ZNF473: variants seen among roughly 807,000 people sequenced by gnomAD.
ZNF473 encodes zinc finger protein 100 homolog.
A neutral mutation model predicts 11.1 loss-of-function variants in ZNF473; 4 were observed. The observed-to-expected ratio is 0.36, with a 90% CI of 0.18 to 0.82. The LOEUF (loss-of-function observed/expected upper bound fraction) is 0.82, where lower values mean the gene tolerates loss of function less well. Ranked by LOEUF, ZNF473 falls within the 40% of genes least tolerant of loss-of-function variation. The probability of loss-of-function intolerance (pLI) is 0.49; values close to 1 mark genes in which losing one functional copy is unlikely to be tolerated. For missense variants in ZNF473, 854 were observed against 1,084.0 expected (o/e 0.79, Z 2.98); for synonymous variants, 404 against 390.4 (o/e 1.03, Z -0.41).
In ZNF473 at chr19:50,045,302, A is replaced by G; in HGVS notation, c.859A>G (p.Thr287Ala). The G allele has an allele frequency of 6.2e-7, 1 of 1,614,212 alleles. No homozygotes were observed. The change falls in exon 5 of 5, where the codon ACT becomes GCT. Residue 287 changes from threonine to alanine, a missense_variant. Physicochemically the swap from Thr to Ala is moderately conservative, Grantham distance 58. Around this residue, in one of 2 missense-constraint regions of ZNF473, gnomAD observed 668 missense variants for 790.2 expected, o/e 0.85. Coordinates refer to ENST00000270617, the MANE Select transcript of ZNF473 (RefSeq NM_015428.4). ...ATACCTGTGGCATCAGAAAACTCAC[A>G]CTGGAGAAAAACCATGTAAGAGTCA... ...STYLWHQKTH[T>A]GEKPCKSQDS... is the part of the protein sequence containing the mutation.
At chr19:50,031,234 G>T in intron 2 of ZNF473, 143 bp downstream of exon 2, 1 of 1,134,854 alleles carries the variant, frequency 8.8e-7, no homozygotes, top group Non-Finnish European at 1.3e-6. Flanking sequence ...CTTTGTTTTG[G>T]CCTCCCTGTC....
intron 1 of ZNF473, among the ~76,000 whole-genome samples, chr19:50,026,790 GAGAA>G (rs1353714194): frequency 5.3e-5 from 8 of 152,084 alleles, no homozygotes; most frequent in Admixed American, 5.2e-4. Context: ...GCAGTGAGCT[GAGAA>G]AGAAAAGAAA....
At chr19:50,041,995 A>G in intron 4 of ZNF473, 176 bp downstream of exon 4, 2 of 505,646 alleles carry the variant, frequency 4.0e-6, no homozygotes, top group South Asian at 2.5e-5. Flanking sequence ...GGATCAGGAC[A>G]TTTTTATAGA....
intron 2 of ZNF473, among the ~76,000 whole-genome samples, chr19:50,035,536 A>G (rs560095596): frequency 6.6e-6 from 1 of 150,668 alleles, no homozygotes; most frequent in African/African-American, 2.4e-5. Flanking sequence ...TTGTAATTCA[A>G]TGTAACACAC....
At chr19:50,029,168 G>A (rs2122796940) in intron 1 of ZNF473, among the ~76,000 whole-genome samples, 1 of 152,300 alleles carries the variant, frequency 6.6e-6, no homozygotes, top group Admixed American at 6.5e-5. Flanking sequence ...TTTTGAGACG[G>A]AGTCTCGCTC....
Position 50,046,279 on chromosome 19 carries a change from C to G in ZNF473, c.1836C>G (p.Ile612Met). 2 of 1,614,042 alleles carry G rather than the reference C, an allele frequency of 1.2e-6. No individual in the cohort carries two copies. The highest frequency in any genetic ancestry group is 1.7e-6 in the Non-Finnish European group (2 of 1,180,000). Residue 612 changes from isoleucine (I) to methionine (M), a missense_variant, in exon 5 of 5, where the codon ATC becomes ATG. By Grantham distance (10) the Ile-to-Met change is conservative (BLOSUM62 1). Coordinates refer to ENST00000270617, the MANE Select transcript of ZNF473 (RefSeq NM_015428.4). The surrounding 1 kb of genome is among the most constrained non-coding windows in gnomAD (Gnocchi z 5.9). The stretch of plus-strand genomic sequence containing the variant: ...CTCGGCTCATTCACCATCAAAGAAT[C>G]CACTCTAGAGTGAGGCTGTATAAAT... Reference protein sequence around the residue: ...QSTRLIHHQRIHSRVRLYKWG... With the variant: ...QSTRLIHHQRMHSRVRLYKWG...
intron 2 of ZNF473, among the ~76,000 whole-genome samples, chr19:50,033,415 T>C (rs574909948): frequency 2.0e-5 from 3 of 151,916 alleles, no homozygotes; most frequent in Non-Finnish European, 4.4e-5. Context: ...CTGGAGATCA[T>C]TGTATGGTCT....
At chr19:50,044,552 G>A (rs541723304) in intron 4 of ZNF473, 118 bp from the exon 5 acceptor site, 19 of 785,876 alleles carry the variant, frequency 2.4e-5, no homozygotes, top group Non-Finnish European at 3.5e-5. Context: ...AGTTCCACAT[G>A]GGTCACCCCT....
In ZNF473 at chr19:50,044,713, CGAA is replaced by C. The variant is rs1555735457; in HGVS notation, c.275_277del (p.Glu92del). ...ACTCTCCTCTGATGGAGGATTTCTT[CGAA>C]GAAGGATTCTCCCAGGAGATTATAG... On this transcript the variant is annotated inframe_deletion, in exon 5 of 5. Coordinates refer to ENST00000270617, the MANE Select transcript of ZNF473 (RefSeq NM_015428.4). 9 of 1,612,988 alleles carry C rather than the reference CGAA, an allele frequency of 5.6e-6. No homozygotes were observed. The highest frequency in any genetic ancestry group is 1.3e-5 in the African/African-American group (1 of 74,826).
At position 50,047,144 on chromosome 19, in the gene ZNF473, C is replaced by G. The variant is rs1171164286; in HGVS notation, c.*85C>G. The G allele has an allele frequency of 8.9e-7, 1 of 1,119,580 alleles. No individual in the cohort carries two copies. The highest frequency in any genetic ancestry group is 2.4e-5 in the East Asian group (1 of 40,914). 69.4% of individuals were successfully genotyped at this position (1,119,580 alleles called of 1,614,324 possible). A position where few individuals can be genotyped will look rare whatever the true frequency, so the allele number is the denominator to read the frequency against. On this transcript the variant is annotated 3_prime_UTR_variant, in exon 5 of 5. Transcript: ENST00000270617. ...AAACTATCCCATTGCAAGTTTCTCT[C>G]CAAATAAATGCATCTAAAGATTGAT... is the stretch of plus-strand genomic sequence containing the variant.
intron 1 of ZNF473, among the ~76,000 whole-genome samples, chr19:50,028,223 G>A (rs1381318985): frequency 6.6e-6 from 1 of 151,790 alleles, no homozygotes; most frequent in African/African-American, 2.4e-5. Context: ...GCATGAGCCC[G>A]GGAGGCAGAG....
At chr19:50,041,224 A>G in intron 3 of ZNF473, 1 of 152,604 alleles carries the variant, frequency 6.6e-6, no homozygotes, top group Non-Finnish European at 1.5e-5. Flanking sequence ...CTTCAAAGAC[A>G]GCAGTGGCGT....
chr19:50,031,119 CG>C (rs2077315566), intron 2 of ZNF473, 28 bp downstream of exon 2: 1 of 1,562,118 alleles, frequency 6.4e-7, no homozygotes, highest in Non-Finnish European at 8.7e-7. Context: ...CTGTCCTAAT[CG>C]GTCACACCCA....
In ZNF473 at chr19:50,035,046, CT is replaced by C. The variant is rs531829789; in HGVS notation, c.9+3958del. On this transcript the variant is annotated intron_variant, in intron 2 of 4. Transcript: ENST00000270617. ...GTGGCTCATGCCTGTAATCCCAGAA[CT>C]TTGGAAGGCTGAGGTGGGCAAATTG... 1.2e-3 allele frequency among the ~76,000 whole-genome samples: 188 copies of C among 152,282 alleles called. 1 individual carries two copies. Among genetic ancestry groups the C allele is most frequent in the Middle Eastern group, 6.8e-3 (2 of 294 alleles).
intron 1 of ZNF473, among the ~76,000 whole-genome samples, chr19:50,026,339 C>A (rs1600744500): frequency 6.7e-6 from 1 of 149,972 alleles, no homozygotes; most frequent in African/African-American, 2.5e-5. Context: ...GAAGCCTTGG[C>A]GGGGGGGATC....
chr19:50,046,073 T>C lies in ZNF473; in HGVS notation c.1630T>C (p.Phe544Leu), dbSNP rs775698917. Residue 544 changes from phenylalanine to leucine, a missense_variant, in exon 5 of 5, where the codon TTT becomes CTT. Phe to Leu is a conservative substitution (Grantham distance 22, BLOSUM62 0). Transcript: ENST00000270617. The surrounding 1 kb of genome is among the most constrained non-coding windows in gnomAD (Gnocchi z 5.9). Reference protein sequence around the residue: ...ESVHAREKQGFFVSGKILDQN... With the variant: ...ESVHAREKQGLFVSGKILDQN... ...TGTTCACGCCAGAGAAAAACAAGGA[T>C]TTTTTGTGAGTGGGAAGATCTTGGA... 41 of 1,614,000 alleles carry C rather than the reference T, an allele frequency of 2.5e-5. No individual in the cohort carries two copies. In the Admixed American group the frequency reaches 5.5e-4, roughly 22 times the overall value.
chr19:50,043,351 C>T (rs918996411), intron 4 of ZNF473: 1 of 149,168 alleles, frequency 6.7e-6, no homozygotes, highest in Non-Finnish European at 1.5e-5. Context: ...AGGAGAATCA[C>T]TTGAACCCAG....
At chr19:50,027,144 T>C (rs2077288242) in intron 1 of ZNF473, among the ~76,000 whole-genome samples, 1 of 151,942 alleles carries the variant, frequency 6.6e-6, no homozygotes, top group Non-Finnish European at 1.5e-5. Flanking sequence ...GCTAATAGGG[T>C]GCATATTTTA....
At chr19:50,029,474 A>G (rs1028908564) in intron 1 of ZNF473, among the ~76,000 whole-genome samples, 1 of 152,228 alleles carries the variant, frequency 6.6e-6, no homozygotes, top group Non-Finnish European at 1.5e-5. Context: ...GAAATATGCC[A>G]TGTATATGCC....
Sources: allele counts gnomAD v4.1 joint callset (sites outside exome capture counted in the v4.1 genomes callset), GRCh38; gene constraint gnomAD v4.1.1; regional missense constraint gnomAD v4.1.1; non-coding constraint Gnocchi (gnomAD v3.1); transcripts MANE v1.5; gene names NCBI Gene and HGNC (gene_info 2026-07-23, HGNC 2026-07-21).